TG: variants seen among roughly 807,000 people sequenced by gnomAD.
TG encodes the protein thyroid hormones.
TG carries 270 observed loss-of-function variants against 324.7 expected under a neutral mutation model. That is an observed-to-expected ratio of 0.83 (90% confidence interval 0.75 to 0.92). TG has a LOEUF of 0.92. Ranked by LOEUF, TG falls within the 40% of genes least tolerant of loss-of-function variation. The pLI is 0.00. For synonymous variants in TG, 1,401 were observed against 1,327.0 expected (o/e 1.06, Z -1.21); for missense variants, 3,591 against 3,456.4 (o/e 1.04, Z -0.98).
rs1850448028 is a variant in TG, at chr8:133,113,615, T to C, written c.7754+12T>C. On this transcript the variant is annotated intron_variant, in intron 44 of 47. Coordinates refer to ENST00000220616, the MANE Select transcript of TG (RefSeq NM_003235.5). ...GAGAATGCCACCCGGTAAGCTAAGC[T>C]GCAGGAGGGTGCAGATTCCTACTGC... 6.2e-7 allele frequency: 1 copy of C among 1,612,756 alleles called. No individual in the cohort carries two copies. Among genetic ancestry groups the C allele is most frequent in the Non-Finnish European group, 8.5e-7 (1 of 1,179,294 alleles).
intron 41 of TG, among the ~76,000 whole-genome samples, chr8:133,064,408 G>A (rs568485775): frequency 6.6e-6 from 1 of 152,354 alleles, no homozygotes; most frequent in South Asian, 2.1e-4. Flanking sequence ...GCAATCTGCA[G>A]ATATTGTTGT....
Position 133,134,736 on chromosome 8 carries a change from G to T in TG, c.8249G>T (p.Gly2750Val). 1.2e-6 allele frequency: 2 copies of T among 1,614,060 alleles called. No homozygotes were observed. Among genetic ancestry groups the T allele is most frequent in the Non-Finnish European group, 1.7e-6 (2 of 1,180,012 alleles). Residue 2750 changes from glycine (G) to valine (V), a missense_variant, in exon 48 of 48, where the codon GGG becomes GTG. Transcript: ENST00000220616. ...SEEEELTAGS[G>V]LREDLLSLQE... ...GAGGAGGAGTTGACGGCTGGATCTG[G>T]GCTAAGAGAAGATCTCCTAAGCCTC...
chr8:132,986,422 G>A (rs1178382217), intron 35 of TG, among the ~76,000 whole-genome samples: 2 of 125,176 alleles, frequency 1.6e-5, no homozygotes, highest in African/African-American at 3.3e-5. Flanking sequence ...ATATATATAT[G>A]TATGTATCTC....
chr8:132,879,952 A>G (rs1234251041), intron 5 of TG, among the ~76,000 whole-genome samples: 3 of 152,214 alleles, frequency 2.0e-5, no homozygotes, highest in Non-Finnish European at 2.9e-5. Flanking sequence ...ATGGAACTAG[A>G]GTGATTTAAA....
At chr8:133,093,936 C>T (rs370979508) in intron 41 of TG, among the ~76,000 whole-genome samples, 14 of 152,172 alleles carry the variant, frequency 9.2e-5, no homozygotes, top group African/African-American at 3.1e-4. Context: ...TGTCGGAGCC[C>T]TCAATCCACA....
In TG at chr8:132,948,760, C is replaced by G; in HGVS notation, c.5234-16C>G. ...CCTCCATCACACTGACCTCTCCTAC[C>G]TCTTGTGATTCTCAGGTGCCATCAT... On this transcript the variant is annotated splice_polypyrimidine_tract_variant and intron_variant, in intron 26 of 47. Transcript: ENST00000220616. 1 of 1,613,024 alleles carries G rather than the reference C, an allele frequency of 6.2e-7. No homozygotes were observed. The highest frequency in any genetic ancestry group is 1.3e-5 in the African/African-American group (1 of 74,998).
intron 27 of TG, among the ~76,000 whole-genome samples, chr8:132,956,779 G>A (rs1259061202): frequency 6.6e-6 from 1 of 152,140 alleles, no homozygotes; most frequent in Non-Finnish European, 1.5e-5. Context: ...TGTGGCTGAG[G>A]GATGGGAAGG....
intron 40 of TG, among the ~76,000 whole-genome samples, chr8:133,026,247 C>T (rs904448227): frequency 8.5e-5 from 13 of 152,190 alleles, no homozygotes; most frequent in Non-Finnish European, 1.2e-4. Flanking sequence ...AGAGTGAAAA[C>T]GGTCCCTGAG....
intron 41 of TG, among the ~76,000 whole-genome samples, chr8:133,073,437 C>A (rs989282940): frequency 6.6e-6 from 1 of 152,150 alleles, no homozygotes; most frequent in African/African-American, 2.4e-5. Flanking sequence ...CTCACTGCAA[C>A]CTGCAACCTC....
intron 45 of TG, among the ~76,000 whole-genome samples, chr8:133,120,622 CT>C (rs1219263528): frequency 1.2e-4 from 18 of 152,202 alleles, no homozygotes; most frequent in Non-Finnish European, 2.2e-4. Flanking sequence ...TTTACGTCGT[CT>C]TTCTTCGTGC....
In TG at chr8:132,886,723, C is replaced by T. The variant is rs773142559; in HGVS notation, c.1351C>T (p.Arg451Ter). The T allele has an allele frequency of 8.7e-6, 14 of 1,614,158 alleles. No homozygotes were observed. Among genetic ancestry groups the T allele is most frequent in the East Asian group, 2.2e-5 (1 of 44,872 alleles). The change falls in exon 9 of 48, where the codon CGA (arginine) becomes TGA (stop). Residue 451 changes from arginine (R) to a stop codon, truncating the protein, a stop_gained. Coordinates refer to ENST00000220616, the MANE Select transcript of TG (RefSeq NM_003235.5). LOFTEE classifies it high-confidence loss of function. ...AGCCATCCGAGCAATTTTTCCCTCC[C>T]GAGGGCTGGCTCGTCTTGCCCTTCA... ...KEAIRAIFPSRGLARLALQFT... is the reference protein window; with the variant it reads ...KEAIRAIFPS
intron 45 of TG, 70 bp from the exon 46 acceptor site, chr8:133,131,742 G>A: frequency 1.3e-6 from 2 of 1,596,246 alleles, no homozygotes; most frequent in South Asian, 2.2e-5. Context: ...ATTTTTGTTT[G>A]TGTGTTTGTG....
At chr8:132,907,378 G>C (rs1048500290) in intron 17 of TG, among the ~76,000 whole-genome samples, 4 of 152,180 alleles carry the variant, frequency 2.6e-5, no homozygotes, top group African/African-American at 9.7e-5. Context: ...GCTCCAGGTA[G>C]GGCATCAGTC....
Position 132,888,217 on chromosome 8 carries a change from GTGA to G in TG, c.2411_2413del (p.Val804_Lys805delinsGlu). 1 of 1,614,258 alleles carries G rather than the reference GTGA, an allele frequency of 6.2e-7. No individual in the cohort carries two copies. The highest frequency in any genetic ancestry group is 8.5e-7 in the Non-Finnish European group (1 of 1,180,042). On this transcript the variant is annotated inframe_deletion, in exon 10 of 48. Transcript: ENST00000220616. ...GGATCTGACGCCTGCCAAGCTGCTA[GTGA>G]AGATCATGAGCTACAGAGAAGCAGC...
chr8:133,050,021 A>G (rs2687836), intron 41 of TG: 238,913 of 1,396,346 alleles, frequency 0.17, 27,678 homozygotes, highest in East Asian at 0.55. Flanking sequence ...GAACACAGAG[A>G]TAGGTAAATA....
At chr8:132,955,136 C>A (rs1826655693) in intron 27 of TG, among the ~76,000 whole-genome samples, 1 of 152,154 alleles carries the variant, frequency 6.6e-6, no homozygotes, top group Non-Finnish European at 1.5e-5. Flanking sequence ...ACACTGGAGG[C>A]CCAGGATTGT....
chr8:133,107,982 CTTTT>C (rs377363035), intron 43 of TG, among the ~76,000 whole-genome samples: 14 of 134,102 alleles, frequency 1.0e-4, no homozygotes, highest in African/African-American at 4.0e-4. Context: ...TTCTTTTCTT[CTTTT>C]TTTTTTTTTT....
chr8:133,046,624 G>A (rs1324122370), intron 41 of TG: 1 of 152,234 alleles, frequency 6.6e-6, no homozygotes, highest in African/African-American at 2.4e-5. Flanking sequence ...TTTTAGATGA[G>A]TTACGACACC....
rs373291254 is a variant in TG, at chr8:133,133,574, G to A, written c.8102G>A (p.Ser2701Asn). Residue 2701 changes from serine (S) to asparagine (N), a missense_variant, in exon 47 of 48, where the codon AGT (serine) becomes AAT (asparagine). Physicochemically the swap from Ser to Asn is conservative, Grantham distance 46. Coordinates refer to ENST00000220616, the MANE Select transcript of TG (RefSeq NM_003235.5). ...GGTGGAGAGAACTACAAGGAGTTCA[G>A]TGAGCTGCTCCCCAATCGACAGGGC... ...RAGGENYKEF[S>N]ELLPNRQGLK... The A allele has an allele frequency of 1.1e-5, 18 of 1,614,242 alleles. No individual in the cohort carries two copies. In the African/African-American group the frequency reaches 1.9e-4, roughly 17 times the overall value.
Sources: gnomAD v4.1 joint callset for allele counts (sites outside exome capture counted in the v4.1 genomes callset) on GRCh38, gnomAD v4.1.1 for gene constraint, MANE v1.5 for transcripts, NCBI Gene and HGNC (gene_info 2026-07-23, HGNC 2026-07-21) for gene names.